HLA-DPB1: variants seen among roughly 807,000 people sequenced by gnomAD.
HLA-DPB1 encodes the protein major histocompatibility complex, class II, DP beta 1, also known as HLA class II histocompatibility antigen, DP beta 1 chain.
A neutral mutation model predicts 29.4 loss-of-function variants in HLA-DPB1; 30 were observed. The observed-to-expected ratio is 1.02, with a 90% CI of 0.76 to 1.38. The LOEUF (loss-of-function observed/expected upper bound fraction) is 1.38. Among genes scored for constraint, HLA-DPB1 ranks in the 40% most tolerant of loss-of-function variants. The pLI is 0.00. For synonymous variants in HLA-DPB1, 114 were observed against 134.0 expected (o/e 0.85, Z 1.03); for missense variants, 261 against 327.5 (o/e 0.80, Z 1.57).
Position 33,088,889 on chromosome 6 carries a change from C to T in HLA-DPB1, c.*2355C>T, listed in dbSNP as rs548736161. Among the ~76,000 whole-genome samples the T allele has an allele frequency of 2.0e-5, 3 of 152,216 alleles. No homozygotes were observed. Among genetic ancestry groups the T allele is most frequent in the Non-Finnish European group, 2.9e-5 (2 of 68,008 alleles). On this transcript the variant is annotated 3_prime_UTR_variant, in exon 6 of 6. Transcript: ENST00000418931. ...GAAAAAACCCGGCGGGCTTAGGACT[C>T]CCAGCTGAGTGTTGTATCCTCCATC...
Position 33,086,210 on chromosome 6 carries a change from T to C in HLA-DPB1, c.758-9T>C. ...GGCTGATTATATAACCTTTCGTCTT[T>C]CATTTCAGTTCAACGAGGATCTGCA... On this transcript the variant is annotated splice_polypyrimidine_tract_variant and intron_variant, in intron 4 of 5. Coordinates refer to ENST00000418931, the MANE Select transcript of HLA-DPB1 (RefSeq NM_002121.6). The C allele has an allele frequency of 6.3e-7, 1 of 1,574,952 alleles. No homozygotes were observed. Among genetic ancestry groups the C allele is most frequent in the Non-Finnish European group, 8.7e-7 (1 of 1,146,556 alleles).
intron 2 of HLA-DPB1, 115 bp downstream of exon 2, chr6:33,081,050 T>C: frequency 8.1e-6 from 10 of 1,236,908 alleles, no homozygotes; most frequent in Non-Finnish European, 1.1e-5. Flanking sequence ...AAGGGGACTT[T>C]GGGTTGGGGA....
At chr6:33,085,352 C>A in intron 3 of HLA-DPB1, 121 bp downstream of exon 3, 1 of 849,684 alleles carries the variant, frequency 1.2e-6, no homozygotes, top group Non-Finnish European at 1.8e-6. Flanking sequence ...CCCCATCTTT[C>A]TTCTATACCA....
intron 5 of HLA-DPB1, 63 bp downstream of exon 5, chr6:33,086,305 G>A: frequency 8.1e-7 from 1 of 1,232,822 alleles, no homozygotes; most frequent in Non-Finnish European, 1.2e-6. Flanking sequence ...TCCTTTCTGT[G>A]CATTGTAACA....
In HLA-DPB1 at chr6:33,088,588, G is replaced by A. The variant is rs1362778990; in HGVS notation, c.*2054G>A. On this transcript the variant is annotated 3_prime_UTR_variant, in exon 6 of 6. Coordinates refer to ENST00000418931, the MANE Select transcript of HLA-DPB1 (RefSeq NM_002121.6). ...GGATGCAGTGCAGAGACAGGTCCCA[G>A]AGGAGACAAGAGCTGAGAGACCATC... 2.0e-5 allele frequency among the ~76,000 whole-genome samples: 3 copies of A among 150,822 alleles called. No individual in the cohort carries two copies. The highest frequency in any genetic ancestry group is 7.4e-5 in the African/African-American group (3 of 40,478).
intron 1 of HLA-DPB1, among the ~76,000 whole-genome samples, chr6:33,078,172 G>A (rs2856818): frequency 0.27 from 41,387 of 151,976 alleles, 5,986 homozygotes; most frequent in Admixed American, 0.38. Context: ...GTGATGCTGG[G>A]CAGTGAAAGG....
rs1374950385 is a variant in HLA-DPB1 at position 33,085,776 on chromosome 6, C to T, written c.647-3C>T. ...ACACTAAACCTGGGTCTGTCCTTCC[C>T]AGAGGCACAGTCTGATTCTGCCCGG... On this transcript the variant is annotated splice_polypyrimidine_tract_variant and splice_region_variant and intron_variant, in intron 3 of 5. Coordinates refer to ENST00000418931, the MANE Select transcript of HLA-DPB1 (RefSeq NM_002121.6). 6.2e-7 allele frequency: 1 copy of T among 1,610,484 alleles called. No homozygotes were observed. The highest frequency in any genetic ancestry group is 2.2e-5 in the East Asian group (1 of 44,860).
At position 33,089,123 on chromosome 6, in the gene HLA-DPB1, G is replaced by A; in HGVS notation, c.*2589G>A. Among the ~76,000 whole-genome samples, 1 of 152,120 alleles carries A rather than the reference G, an allele frequency of 6.6e-6. No individual in the cohort carries two copies. The highest frequency in any genetic ancestry group is 1.9e-4 in the East Asian group (1 of 5,186). ...GAAGGAGGTGGGAGTTGGGCATCGGGTGTGAAGATGCTCTTGAAAGGGGTT... is the reference window on the plus strand; with the variant it reads ...GAAGGAGGTGGGAGTTGGGCATCGGATGTGAAGATGCTCTTGAAAGGGGTT... On this transcript the variant is annotated 3_prime_UTR_variant, in exon 6 of 6. Coordinates refer to ENST00000418931, the MANE Select transcript of HLA-DPB1 (RefSeq NM_002121.6).
chr6:33,085,748 G>A, intron 3 of HLA-DPB1, 31 bp from the exon 4 acceptor site: 1 of 1,415,476 alleles, frequency 7.1e-7, no homozygotes, highest in Non-Finnish European at 1.0e-6. Flanking sequence ...GCTGGTGGAG[G>A]TGACACTAAA....
chr6:33,085,752 C>T, intron 3 of HLA-DPB1, 27 bp from the exon 4 acceptor site: 1 of 1,477,592 alleles, frequency 6.8e-7, no homozygotes, highest in Non-Finnish European at 9.5e-7. Flanking sequence ...GTGGAGGTGA[C>T]ACTAAACCTG....
intron 2 of HLA-DPB1, chr6:33,083,785 G>A (rs9277408): frequency 0.38 from 57,561 of 151,738 alleles, 12,307 homozygotes; most frequent in East Asian, 0.64. Flanking sequence ...GCTTTCTGAG[G>A]AGGAAAAAGG....
intron 2 of HLA-DPB1, among the ~76,000 whole-genome samples, chr6:33,081,728 C>T (rs1324467375): frequency 1.3e-5 from 2 of 152,096 alleles, no homozygotes; most frequent in Non-Finnish European, 2.9e-5. Flanking sequence ...GCATCCTCCT[C>T]GGGGCTGAGA....
chr6:33,082,463 T>G (rs573886301), intron 2 of HLA-DPB1, among the ~76,000 whole-genome samples: 1 of 152,230 alleles, frequency 6.6e-6, no homozygotes, highest in African/African-American at 2.4e-5. Context: ...TCTGGGGATC[T>G]CTGCTTGTAA....
At chr6:33,083,847 C>G (rs9277409) in intron 2 of HLA-DPB1, 57,772 of 151,966 alleles carry the variant, frequency 0.38, 12,420 homozygotes, top group East Asian at 0.64. Context: ...TGTGGAAATT[C>G]ACCTGAGAAC....
Position 33,088,217 on chromosome 6 carries a change from C to T in HLA-DPB1, c.*1683C>T, listed in dbSNP as rs1411930495. Among the ~76,000 whole-genome samples the T allele has an allele frequency of 6.6e-6, 1 of 152,178 alleles. No individual in the cohort carries two copies. Among genetic ancestry groups the T allele is most frequent in the African/African-American group, 2.4e-5 (1 of 41,426 alleles). On this transcript the variant is annotated 3_prime_UTR_variant, in exon 6 of 6. Transcript: ENST00000418931. ...TTCAAATCGAGATCATTATGAAATC[C>T]TCAGACCCAGAGCACATAAATCCTA...
Position 33,086,680 on chromosome 6 carries a change from A to G in HLA-DPB1, c.*146A>G, listed in dbSNP as rs1042544. The stretch of plus-strand genomic sequence containing the variant: ...AGTTGCTCTGAAGTCAGTTTCTATC[A>G]TTCTGCTCTTTGATTCAAAGCACTG... On this transcript the variant is annotated 3_prime_UTR_variant, in exon 6 of 6. Transcript: ENST00000418931. 0.21 allele frequency: 83,414 copies of G among 396,756 alleles called. 16,843 individuals carry two copies. Among genetic ancestry groups the G allele is most frequent in the African/African-American group, 0.53 (24,140 of 45,378 alleles). 24.6% of individuals were successfully genotyped at this position (396,756 alleles called of 1,614,324 possible).
In HLA-DPB1 at chr6:33,085,851, G is replaced by A. The variant is rs771451667; in HGVS notation, c.719G>A (p.Cys240Tyr). Residue 240 changes from cysteine to tyrosine, a missense_variant, in exon 4 of 6, where the codon TGT becomes TAT. Physicochemically the swap from Cys to Tyr is radical, Grantham distance 194. Coordinates refer to ENST00000418931, the MANE Select transcript of HLA-DPB1 (RefSeq NM_002121.6). The part of the protein sequence containing the change: ...AGGFVLGLII[C>Y]GVGIFMHRRS... ...GGCTTCGTGCTGGGGCTCATCATCT[G>A]TGGAGTGGGCATCTTCATGCACAGG... 1.9e-6 allele frequency: 3 copies of A among 1,613,994 alleles called. No homozygotes were observed. The South Asian group carries it at 3.3e-5, about 18-fold the overall frequency.
chr6:33,079,985 T>C (rs532721828), intron 1 of HLA-DPB1: 3 of 220,618 alleles, frequency 1.4e-5, no homozygotes, highest in East Asian at 1.2e-4. Context: ...GTGATTTTCA[T>C]TGTGTAAAAT....
intron 2 of HLA-DPB1, among the ~76,000 whole-genome samples, chr6:33,083,266 G>A (rs1451964894): frequency 1.3e-5 from 2 of 152,152 alleles, no homozygotes; most frequent in African/African-American, 2.4e-5. Context: ...CTGGCCCAGC[G>A]CCATGTTAGG....
Sources: allele counts gnomAD v4.1 joint callset (sites outside exome capture counted in the v4.1 genomes callset), GRCh38; gene constraint gnomAD v4.1.1; transcripts MANE v1.5; gene names NCBI Gene and HGNC (gene_info 2026-07-23, HGNC 2026-07-21).